SLC16A9: variants seen among roughly 807,000 people sequenced by gnomAD.
SLC16A9 encodes monocarboxylate transporter 9.
SLC16A9 carries 26 observed loss-of-function variants against 44.3 expected under a neutral mutation model. The observed-to-expected ratio is 0.59, with a 90% CI of 0.43 to 0.81. The LOEUF (loss-of-function observed/expected upper bound fraction) is 0.81. Among genes scored for constraint, SLC16A9 ranks in the 40% least tolerant of loss-of-function variants. The pLI, the probability that SLC16A9 is intolerant of heterozygous loss-of-function variation, is 0.00. For synonymous variants in SLC16A9, 230 were observed against 225.1 expected, an observed-to-expected ratio of 1.02 and a Z score of -0.19; for missense variants, 559 against 595.8, an observed-to-expected ratio of 0.94 and a Z score of 0.64.
At chr10:59,659,353 G>A (rs1244451040) in intron 4 of SLC16A9, among the ~76,000 whole-genome samples, 2 of 152,088 alleles carry the variant, frequency 1.3e-5, no homozygotes, top group Non-Finnish European at 2.9e-5. Flanking sequence ...TGGCCTTAGG[G>A]ATGTTAATTT....
intron 1 of SLC16A9, among the ~76,000 whole-genome samples, chr10:59,703,380 G>A (rs10993972): frequency 0.27 from 40,581 of 152,158 alleles, 6,734 homozygotes; most frequent in Middle Eastern, 0.39. Context: ...ATGGCCTCCC[G>A]TGGTATGAGG....
chr10:59,662,633 C>CAAAAAAAAAAAA (rs71006278), intron 4 of SLC16A9, among the ~76,000 whole-genome samples: 4 of 43,620 alleles, frequency 9.2e-5, no homozygotes, highest in Non-Finnish European at 1.7e-4. Context: ...AACTCCATCT[C>CAAAAAAAAAAAA]AAAAAAAAAA....
chr10:59,708,577 G>T (rs1840694450), intron 1 of SLC16A9: 2 of 152,152 alleles, frequency 1.3e-5, no homozygotes, highest in African/African-American at 4.8e-5. Flanking sequence ...CTAGAAAATT[G>T]ACCAAAAATG....
intron 4 of SLC16A9, among the ~76,000 whole-genome samples, chr10:59,662,633 CA>C (rs71006278): frequency 0.017 from 746 of 43,630 alleles, 5 homozygotes; most frequent in East Asian, 0.021. Flanking sequence ...AACTCCATCT[CA>C]AAAAAAAAAA....
At chr10:59,660,668 C>G (rs192051057) in intron 4 of SLC16A9, among the ~76,000 whole-genome samples, 1 of 152,276 alleles carries the variant, frequency 6.6e-6, no homozygotes, top group African/African-American at 2.4e-5. Flanking sequence ...CCAGCATCAT[C>G]CTGATACCAA....
chr10:59,682,509 C>T (rs1020155591), intron 2 of SLC16A9, among the ~76,000 whole-genome samples: 5 of 152,138 alleles, frequency 3.3e-5, no homozygotes, highest in Non-Finnish European at 4.4e-5. Flanking sequence ...AGGAGATCTC[C>T]GCTTTCCTCA....
rs539562233 is a variant in SLC16A9 at position 59,656,942 on chromosome 10, G to A, written c.437-2353C>T. The stretch of plus-strand genomic sequence containing the variant: ...ATATTAAATGGCGTTCAGGGAACAC[G>A]AAGCAGTGAGAAATACAGCCATGCT... On this transcript the variant is annotated intron_variant, in intron 4 of 5. Transcript: ENST00000395348. 2.0e-5 allele frequency among the ~76,000 whole-genome samples: 3 copies of A among 152,296 alleles called. No homozygotes were observed. The East Asian group carries it at 5.8e-4, about 29-fold the overall frequency.
At chr10:59,683,791 A>C (rs1419109269) in intron 2 of SLC16A9, among the ~76,000 whole-genome samples, 1 of 152,170 alleles carries the variant, frequency 6.6e-6, no homozygotes, top group Non-Finnish European at 1.5e-5. Flanking sequence ...TGAGCCTCTT[A>C]AGGGCAGGAA....
Position 59,664,289 on chromosome 10 carries a change from A to G in SLC16A9, c.374T>C (p.Val125Ala). Residue 125 changes from valine (V) to alanine (A), a missense_variant, in exon 4 of 6, where the codon GTG becomes GCG. By Grantham distance (64) the Val-to-Ala change is moderately conservative. Transcript: ENST00000395348. ...GTCAAAATACTGGCACGTAATGGTC[A>G]CTGTTGCAGTGTATAATAAACCACA... ...LGCGLLYTAT[V>A]TITCQYFDDR... 6.2e-7 allele frequency: 1 copy of G among 1,612,376 alleles called. No individual in the cohort carries two copies. The highest frequency in any genetic ancestry group is 8.5e-7 in the Non-Finnish European group (1 of 1,178,980).
Position 59,654,163 on chromosome 10 carries a change from T to G in SLC16A9, c.863A>C (p.Gln288Pro). 1 of 1,614,086 alleles carries G rather than the reference T, an allele frequency of 6.2e-7. No individual in the cohort carries two copies. Among genetic ancestry groups the G allele is most frequent in the Non-Finnish European group, 8.5e-7 (1 of 1,180,008 alleles). Residue 288 changes from glutamine to proline, a missense_variant, in exon 5 of 6, where the codon CAG becomes CCG. Physicochemically the swap from Gln to Pro is moderately conservative, Grantham distance 76. Transcript: ENST00000395348. ...TTCACCACAGTAGTTTTTATATAAC[T>G]GCCACTTCCTCTTGGCAAGCTGTTT... ...FCKQLAKRKW[Q>P]LYKNYCGETV... is the part of the protein sequence containing the mutation.
At chr10:59,672,196 C>T (rs114077610) in intron 3 of SLC16A9, among the ~76,000 whole-genome samples, 1,846 of 152,264 alleles carry the variant, frequency 0.012, 35 homozygotes, top group African/African-American at 0.042. Context: ...TAAGGCCCTG[C>T]GCCTCCTATG....
chr10:59,655,760 GAA>G lies in SLC16A9; in HGVS notation c.437-1173_437-1172del, dbSNP rs1348257622. 2.6e-5 allele frequency among the ~76,000 whole-genome samples: 4 copies of G among 152,208 alleles called. No individual in the cohort carries two copies. The South Asian group carries it at 6.2e-4, about 24-fold the overall frequency. On this transcript the variant is annotated intron_variant, in intron 4 of 5. Coordinates refer to ENST00000395348, the MANE Select transcript of SLC16A9 (RefSeq NM_194298.3). ...TAAATGTCATTGGGAAATGTCATGTGAAAAATCAGGAAAAAAATAGTCTGAAA... is the reference window on the plus strand; with the variant it reads ...TAAATGTCATTGGGAAATGTCATGTGAAATCAGGAAAAAAATAGTCTGAAA...
chr10:59,653,425 C>CGAAAAAAAA (rs1839259364), intron 5 of SLC16A9, among the ~76,000 whole-genome samples: 1 of 36,764 alleles, frequency 2.7e-5, no homozygotes, highest in African/African-American at 5.9e-5. Flanking sequence ...AACTCCGTCT[C>CGAAAAAAAA]AAAAAAAAAA....
rs779773338 is a variant in SLC16A9 at position 59,654,499 on chromosome 10, G to T, written c.527C>A (p.Ala176Asp). The T allele has an allele frequency of 2.5e-6, 4 of 1,611,512 alleles. No homozygotes were observed. The highest frequency in any genetic ancestry group is 1.7e-6 in the Non-Finnish European group (2 of 1,180,002). Residue 176 changes from alanine to aspartate, a missense_variant, in exon 5 of 6, where the codon GCT (alanine) becomes GAT (aspartate). Coordinates refer to ENST00000395348, the MANE Select transcript of SLC16A9 (RefSeq NM_194298.3). ...ACAGGCTAATATATTTAAAGCTAAA[G>T]CACCCACAATCAGCAAGCATCCATC... Reference protein sequence around the residue: ...GLDGCLLIVGALALNILACGS... With the variant: ...GLDGCLLIVGDLALNILACGS...
chr10:59,683,158 T>C (rs554759703), intron 2 of SLC16A9, among the ~76,000 whole-genome samples: 2 of 152,202 alleles, frequency 1.3e-5, no homozygotes, highest in Non-Finnish European at 2.9e-5. Context: ...ATAGAGATTG[T>C]GATTTGCTCA....
chr10:59,696,953 GGCCAGCCGCCCCGTCCA>G (rs1564712613), intron 1 of SLC16A9, among the ~76,000 whole-genome samples: 9 of 141,344 alleles, frequency 6.4e-5, no homozygotes, highest in African/African-American at 2.5e-4. Context: ...CCCCCCGCCC[GGCCAGCCGCCCCGTCCA>G]GAAGGGAGGT....
At chr10:59,687,119 G>A (rs1424024967) in intron 1 of SLC16A9, among the ~76,000 whole-genome samples, 2 of 152,280 alleles carry the variant, frequency 1.3e-5, no homozygotes, top group Middle Eastern at 3.4e-3. Context: ...TGGCCAGGCT[G>A]GTCTTGAACC....
At chr10:59,663,818 G>A (rs966546136) in intron 4 of SLC16A9, among the ~76,000 whole-genome samples, 2 of 151,864 alleles carry the variant, frequency 1.3e-5, no homozygotes, top group African/African-American at 4.8e-5. Context: ...AAACACAATG[G>A]CAGGAAAAAA....
At chr10:59,704,525 C>G (rs972982054) in intron 1 of SLC16A9, among the ~76,000 whole-genome samples, 2 of 152,186 alleles carry the variant, frequency 1.3e-5, no homozygotes, top group Non-Finnish European at 2.9e-5. Flanking sequence ...GTGAAAATAG[C>G]AGAATCTGTA....
Sources: gnomAD v4.1 joint callset for allele counts (sites outside exome capture counted in the v4.1 genomes callset) on GRCh38, gnomAD v4.1.1 for gene constraint, MANE v1.5 for transcripts, NCBI Gene and HGNC (gene_info 2026-07-23, HGNC 2026-07-21) for gene names.